Variants in ABCA9 observed in about 807,000 individuals in gnomAD.
ABCA9 encodes ATP-binding cassette sub-family A member 9.
ABCA9 carries 183 observed loss-of-function variants against 205.3 expected under a neutral mutation model. The ratio of observed to expected loss-of-function variants is 0.89; its 90% CI spans 0.79 to 1.01. ABCA9 has a LOEUF of 1.01. Among genes scored for constraint, ABCA9 ranks in the 50% least tolerant of loss-of-function variants. ABCA9 has a pLI of 0.00. For missense variants in ABCA9, 1,805 were observed against 1,912.4 expected, an observed-to-expected ratio of 0.94 and a Z score of 1.05; for synonymous variants, 651 against 683.3, an observed-to-expected ratio of 0.95 and a Z score of 0.74.
chr17:69,037,611 C>T (rs528701620), intron 6 of ABCA9, among the ~76,000 whole-genome samples: 15 of 152,102 alleles, frequency 9.9e-5, no homozygotes, highest in South Asian at 8.3e-4. Flanking sequence ...CAGGAGAAAA[C>T]GGGAAAGGTC....
upstream of ABCA9, among the ~76,000 whole-genome samples, chr17:69,062,034 T>C (rs1018930264): frequency 6.6e-6 from 1 of 152,098 alleles, no homozygotes; most frequent in Admixed American, 6.6e-5. Flanking sequence ...TCAATATTGA[T>C]TCAATTATAT....
Position 69,033,870 on chromosome 17 carries a change from TA to T in ABCA9, c.1131del (p.Ile378TyrfsTer7). 1 of 1,587,156 alleles carries T rather than the reference TA, an allele frequency of 6.3e-7. No individual in the cohort carries two copies. Among genetic ancestry groups the T allele is most frequent in the Non-Finnish European group, 8.6e-7 (1 of 1,164,722 alleles). Reference sequence around the variant, plus strand: ...GAATTCACATCATAGTCCAAATGTATAAGCTGAAAAAGAAAGATACAGTGAA... The same window carrying T: ...GAATTCACATCATAGTCCAAATGTATAGCTGAAAAAGAAAGATACAGTGAA... Reference protein sequence around the residue: ...PFAFTVGMAQLIHLDYDVNSN... With the variant: ...PFAFTVGMAQXIHLDYDVNSN... On this transcript the variant is annotated frameshift_variant and splice_region_variant, in exon 9 of 39. Transcript: ENST00000340001. LOFTEE classifies it high-confidence loss of function.
intron 16 of ABCA9, among the ~76,000 whole-genome samples, chr17:69,024,974 G>A (rs918634027): frequency 6.6e-6 from 1 of 152,122 alleles, no homozygotes; most frequent in Non-Finnish European, 1.5e-5. Context: ...TGAGGTGACA[G>A]AGTGGTGAGA....
chr17:69,063,658 C>T (rs984108504), upstream of ABCA9, among the ~76,000 whole-genome samples: 5 of 151,952 alleles, frequency 3.3e-5, no homozygotes, highest in African/African-American at 4.8e-5. Context: ...CTGCAAGCTC[C>T]GCCTCCCGGG....
At chr17:69,062,959 T>G (rs912678634), upstream of ABCA9, among the ~76,000 whole-genome samples, 8 of 152,200 alleles carry the variant, frequency 5.3e-5, no homozygotes, top group African/African-American at 1.7e-4. Context: ...GTCTAAGACA[T>G]ACTTAAATAT....
chr17:69,078,909 T>A, the ABCA9 span: 9 of 897,920 alleles, frequency 1.0e-5, no homozygotes, highest in Admixed American at 8.2e-5. Context: ...TTAAACATAC[T>A]ATTAATTATT....
rs79642217 is a variant in ABCA9 at position 69,031,095 on chromosome 17, C to G, written c.1445+1013G>C. ...TGTGAGACCCTGCTTCCAATCTCCA[C>G]CCGTTGCTAGGGATAATTTTTCTAG... On this transcript the variant is annotated intron_variant, in intron 10 of 38. Coordinates refer to ENST00000340001, the MANE Select transcript of ABCA9 (RefSeq NM_080283.4). Among the ~76,000 whole-genome samples the G allele has an allele frequency of 4.4e-3, 672 of 152,276 alleles. 9 individuals carry two copies. Among genetic ancestry groups the G allele is most frequent in the African/African-American group, 0.015 (637 of 41,542 alleles).
At chr17:69,055,603 C>T (rs915610042) in intron 1 of ABCA9, among the ~76,000 whole-genome samples, 2 of 152,082 alleles carry the variant, frequency 1.3e-5, no homozygotes, top group South Asian at 4.1e-4. Flanking sequence ...ATGGACAGAT[C>T]CAGCAGGCAG....
At chr17:69,061,521 C>T (rs2072248051), upstream of ABCA9, among the ~76,000 whole-genome samples, 1 of 152,132 alleles carries the variant, frequency 6.6e-6, no homozygotes, top group South Asian at 2.1e-4. Flanking sequence ...TGTGTGCATA[C>T]TAATTGTAGC....
At chr17:69,019,717 C>T (rs2070751344) in intron 19 of ABCA9, among the ~76,000 whole-genome samples, 1 of 152,024 alleles carries the variant, frequency 6.6e-6, no homozygotes. Flanking sequence ...AATGAGTGTT[C>T]CTGATGATAA....
In ABCA9 at chr17:69,033,889, A is replaced by G; in HGVS notation, c.1129-16T>C. ...AATGTATAAGCTGAAAAAGAAAGAT[A>G]CAGTGAATTTTAAAAGAATTAATAT... On this transcript the variant is annotated splice_polypyrimidine_tract_variant and intron_variant, in intron 8 of 38. Coordinates refer to ENST00000340001, the MANE Select transcript of ABCA9 (RefSeq NM_080283.4). 6.4e-7 allele frequency: 1 copy of G among 1,558,516 alleles called. No homozygotes were observed. Among genetic ancestry groups the G allele is most frequent in the Non-Finnish European group, 8.7e-7 (1 of 1,143,834 alleles).
chr17:69,007,745 A>G lies in ABCA9; in HGVS notation c.3435+14T>C, dbSNP rs2070198467. On this transcript the variant is annotated intron_variant, in intron 25 of 38. Transcript: ENST00000340001. ...GAAAAATGGTAAAATAATAGGTAGT[A>G]TATGCATACTCACAATTAAGAAGAA... 7.1e-7 allele frequency: 1 copy of G among 1,413,526 alleles called. No homozygotes were observed. Among genetic ancestry groups the G allele is most frequent in the Non-Finnish European group, 1.0e-6 (1 of 998,942 alleles). 87.6% of individuals were successfully genotyped at this position (1,413,526 alleles called of 1,614,324 possible).
At chr17:69,051,161 A>T (rs1262940708) in intron 1 of ABCA9, 22 bp from the exon 2 acceptor site, 1 of 1,606,824 alleles carries the variant, frequency 6.2e-7, no homozygotes, top group Admixed American at 1.7e-5. Flanking sequence ...CAGAAAAAAA[A>T]TGAAGTACAT....
the ABCA9 span, among the ~76,000 whole-genome samples, chr17:69,069,881 ATTCGGTATCT>A: frequency 2.0e-5 from 3 of 152,152 alleles, no homozygotes; most frequent in Admixed American, 2.0e-4. Context: ...GATGTTGGTT[ATTCGGTATCT>A]TGTAAACATT....
intron 37 of ABCA9, among the ~76,000 whole-genome samples, chr17:68,977,675 T>A (rs1484416335): frequency 6.6e-6 from 1 of 152,200 alleles, no homozygotes; most frequent in Non-Finnish European, 1.5e-5. Flanking sequence ...AGGATTGCCA[T>A]GGAGCAGGCA....
At chr17:69,060,281 A>G (rs954408330) in intron 1 of ABCA9, among the ~76,000 whole-genome samples, 6 of 152,230 alleles carry the variant, frequency 3.9e-5, no homozygotes, top group Non-Finnish European at 4.4e-5. Flanking sequence ...GGTTATAAAA[A>G]GCCAATCATT....
At chr17:69,024,091 A>T in intron 17 of ABCA9, 123 bp downstream of exon 17, 1 of 1,065,280 alleles carries the variant, frequency 9.4e-7, no homozygotes, top group Non-Finnish European at 1.4e-6. Flanking sequence ...TGGGAATATT[A>T]AATGAGTAAA....
chr17:69,052,431 A>G (rs1180184642), intron 1 of ABCA9, among the ~76,000 whole-genome samples: 1 of 152,132 alleles, frequency 6.6e-6, no homozygotes, highest in African/African-American at 2.4e-5. Context: ...AAAAAACAGT[A>G]TAAGGAGAGA....
rs761255508 is a variant in ABCA9 at position 69,020,452 on chromosome 17, C to A, written c.2536G>T (p.Val846Phe). 14 of 1,614,020 alleles carry A rather than the reference C, an allele frequency of 8.7e-6. No individual in the cohort carries two copies. Among genetic ancestry groups the A allele is most frequent in the Admixed American group, 1.7e-5 (1 of 59,998 alleles). ...AAGCGAACTTTTGCTATTGCACAGA[C>A]CTGCTGCCTCCAGAGCGCCACGCCA... Reference protein sequence around the residue: ...ISGVALWRQQVCAIAKVRFLK... With the variant: ...ISGVALWRQQFCAIAKVRFLK... The change falls in exon 19 of 39, where the codon GTC becomes TTC. Residue 846 changes from valine to phenylalanine, a missense_variant. By Grantham distance (50) the Val-to-Phe change is conservative (BLOSUM62 -1). Transcript: ENST00000340001.
Sources: gnomAD v4.1 joint callset for allele counts (sites outside exome capture counted in the v4.1 genomes callset) on GRCh38, gnomAD v4.1.1 for gene constraint, MANE v1.5 for transcripts, NCBI Gene and HGNC (gene_info 2026-07-23, HGNC 2026-07-21) for gene names.